FBXL4: variants seen among roughly 807,000 people sequenced by gnomAD.
The protein encoded by FBXL4 is F-box and leucine rich repeat protein 4, also known as F-box/LRR-repeat protein 4.
A neutral mutation model predicts 58.9 loss-of-function variants in FBXL4; 40 were observed. The observed-to-expected ratio is 0.68, with a 90% CI of 0.53 to 0.88. The LOEUF is 0.88. Among genes scored for constraint, FBXL4 ranks in the 40% least tolerant of loss-of-function variants. The probability of loss-of-function intolerance (pLI) is 0.00; values close to 1 mark genes in which losing one functional copy is unlikely to be tolerated. For synonymous variants in FBXL4, 263 were observed against 265.5 expected (o/e 0.99, Z 0.09); for missense variants, 676 against 734.4 (o/e 0.92, Z 0.92).
rs528310847 is a variant in FBXL4, at chr6:98,889,775, A to T, written c.1318-9151T>A. Among the ~76,000 whole-genome samples the T allele has an allele frequency of 2.6e-5, 4 of 152,204 alleles. No individual in the cohort carries two copies. In the East Asian group the frequency reaches 7.7e-4, roughly 29 times the overall value. The stretch of plus-strand genomic sequence containing the variant: ...ATGTGGAAGTTTGGTGTATGCAGAT[A>T]TGAAGTGCCATTCAGTTATAAAGAA... On this transcript the variant is annotated intron_variant, in intron 7 of 9. Coordinates refer to ENST00000369244, the MANE Select transcript of FBXL4 (RefSeq NM_001278716.2).
chr6:98,917,355 C>G lies in FBXL4; in HGVS notation c.858+19G>C, dbSNP rs1199994761. 1 of 1,539,498 alleles carries G rather than the reference C, an allele frequency of 6.5e-7. No homozygotes were observed. The highest frequency in any genetic ancestry group is 8.8e-7 in the Non-Finnish European group (1 of 1,131,592). On this transcript the variant is annotated intron_variant, in intron 5 of 9. Coordinates refer to ENST00000369244, the MANE Select transcript of FBXL4 (RefSeq NM_001278716.2). ...TATAGTGTTATATCCAATACTGCTG[C>G]TAAATATTTTTGGCTTACCTCATAA...
intron 2 of FBXL4, among the ~76,000 whole-genome samples, chr6:98,932,093 A>T (rs1488911643): frequency 6.6e-6 from 1 of 152,242 alleles, no homozygotes; most frequent in Non-Finnish European, 1.5e-5. Context: ...TGTCCAAAAG[A>T]GTGATTATAA....
At position 98,926,937 on chromosome 6, in the gene FBXL4, A is replaced by G. The variant is rs975059887; in HGVS notation, c.52T>C (p.Cys18Arg). 1 of 1,614,192 alleles carries G rather than the reference A, an allele frequency of 6.2e-7. No homozygotes were observed. Among genetic ancestry groups the G allele is most frequent in the Non-Finnish European group, 8.5e-7 (1 of 1,180,022 alleles). The change falls in exon 4 of 10, where the codon TGC becomes CGC. Residue 18 changes from cysteine to arginine, a missense_variant. Cys to Arg is a radical substitution (Grantham distance 180). Coordinates refer to ENST00000369244, the MANE Select transcript of FBXL4 (RefSeq NM_001278716.2). ...LTVLTMFYYI[C>R]LRRRARTATR... ...GCTGTCCTGGCTCGGCGCCGAAGGC[A>G]TATATAATAAAACATGGTCAGAACT... is the stretch of plus-strand genomic sequence containing the variant.
rs541354990 is a variant in FBXL4, at chr6:98,905,371, T to A, written c.1103+55A>T. The A allele has an allele frequency of 3.0e-5, 48 of 1,579,978 alleles. No individual in the cohort carries two copies. In the African/African-American group the frequency reaches 5.8e-4, roughly 19 times the overall value. On this transcript the variant is annotated intron_variant, in intron 6 of 9. Coordinates refer to ENST00000369244, the MANE Select transcript of FBXL4 (RefSeq NM_001278716.2). ...TTTTATTATGAAAACCACTACATAA[T>A]AAGTATAACCTGCTGCTGGGGGGGA...
chr6:98,890,212 T>A (rs935572822), intron 7 of FBXL4, among the ~76,000 whole-genome samples: 1 of 152,192 alleles, frequency 6.6e-6, no homozygotes, highest in Admixed American at 6.5e-5. Flanking sequence ...ATTATAACAC[T>A]CAATATAGGA....
At chr6:98,907,602 T>C (rs1025923158) in intron 5 of FBXL4, among the ~76,000 whole-genome samples, 3 of 152,192 alleles carry the variant, frequency 2.0e-5, no homozygotes, top group Non-Finnish European at 4.4e-5. Context: ...AAATAGCCTA[T>C]TCTGAACTAA....
rs931804047 is a variant in FBXL4, at chr6:98,899,140, A to C, written c.1317+128T>G. The C allele has an allele frequency of 2.1e-6, 3 of 1,449,968 alleles. No individual in the cohort carries two copies. The African/African-American group carries it at 4.3e-5, about 21-fold the overall frequency. 89.8% of individuals were successfully genotyped at this position (1,449,968 alleles called of 1,614,324 possible). On this transcript the variant is annotated intron_variant, in intron 7 of 9. Coordinates refer to ENST00000369244, the MANE Select transcript of FBXL4 (RefSeq NM_001278716.2). ...TGACTGAATCAGCTCTATTGATTTC[A>C]GAGTAGTCAGAAGGCATCATAAACT...
In FBXL4 at chr6:98,874,151, AT is replaced by A. The variant is rs1284061782; in HGVS notation, c.*126del. Reference sequence around the variant, plus strand: ...TACTTGATTTAATGGACAATTTCATATTTTTCTTTAAAATCTACAAATGTCT... The same window carrying A: ...TACTTGATTTAATGGACAATTTCATATTTTCTTTAAAATCTACAAATGTCT... On this transcript the variant is annotated 3_prime_UTR_variant, in exon 10 of 10. Coordinates refer to ENST00000369244, the MANE Select transcript of FBXL4 (RefSeq NM_001278716.2). 6 of 670,348 alleles carry A rather than the reference AT, an allele frequency of 9.0e-6. No individual in the cohort carries two copies. The African/African-American group carries it at 1.1e-4, about 13-fold the overall frequency. 41.5% of individuals were successfully genotyped at this position (670,348 alleles called of 1,614,324 possible).
intron 5 of FBXL4, among the ~76,000 whole-genome samples, chr6:98,909,108 T>TA (rs1771931547): frequency 6.6e-6 from 1 of 152,244 alleles, no homozygotes; most frequent in South Asian, 2.1e-4. Context: ...TTTCCTACTC[T>TA]AGGGCATGTT....
chr6:98,919,229 C>T (rs1355741629), intron 4 of FBXL4, among the ~76,000 whole-genome samples: 1 of 152,138 alleles, frequency 6.6e-6, no homozygotes, highest in Non-Finnish European at 1.5e-5. Flanking sequence ...TAAAAGCAAA[C>T]TCCAAAGGAA....
At chr6:98,910,858 G>C (rs1772022818) in intron 5 of FBXL4, among the ~76,000 whole-genome samples, 1 of 152,192 alleles carries the variant, frequency 6.6e-6, no homozygotes, top group African/African-American at 2.4e-5. Flanking sequence ...CCGTGCGCCA[G>C]CCGAAGCAGG....
At chr6:98,909,490 C>T (rs995219931) in intron 5 of FBXL4, among the ~76,000 whole-genome samples, 1 of 152,202 alleles carries the variant, frequency 6.6e-6, no homozygotes. Context: ...CTTCCCTTTG[C>T]CTCAAGTGTC....
At chr6:98,912,169 GA>G (rs1264124089) in intron 5 of FBXL4, among the ~76,000 whole-genome samples, 1 of 152,184 alleles carries the variant, frequency 6.6e-6, no homozygotes, top group East Asian at 1.9e-4. Context: ...AGAAATATGG[GA>G]CTATGTGAAA....
intron 2 of FBXL4, among the ~76,000 whole-genome samples, chr6:98,934,006 A>G (rs1773108256): frequency 6.6e-6 from 1 of 152,222 alleles, no homozygotes. Flanking sequence ...TAGTACATAT[A>G]TTGAAATTTT....
intron 7 of FBXL4, among the ~76,000 whole-genome samples, chr6:98,894,398 C>T (rs1771340691): frequency 6.6e-6 from 1 of 152,068 alleles, no homozygotes; most frequent in Non-Finnish European, 1.5e-5. Flanking sequence ...TCTAAATCCC[C>T]ATCTGTTGCA....
intron 2 of FBXL4, among the ~76,000 whole-genome samples, chr6:98,933,430 C>T (rs1157499250): frequency 6.6e-6 from 1 of 152,180 alleles, no homozygotes; most frequent in East Asian, 1.9e-4. Context: ...GCTGTAGACC[C>T]ACCAGAACCT....
At chr6:98,929,584 AAAAG>A (rs1554222684) in intron 2 of FBXL4, among the ~76,000 whole-genome samples, 34 of 151,684 alleles carry the variant, frequency 2.2e-4, no homozygotes, top group Admixed American at 9.2e-4. Flanking sequence ...AAAAAAAAAA[AAAAG>A]AAAGAAAGAA....
intron 3 of FBXL4, 35 bp from the exon 4 acceptor site, chr6:98,927,095 T>C: frequency 9.0e-7 from 1 of 1,115,936 alleles, no homozygotes; most frequent in Admixed American, 2.3e-5. Flanking sequence ...AGTAAAATAA[T>C]TTAAATAAGC....
chr6:98,909,675 C>G (rs1057075494), intron 5 of FBXL4, among the ~76,000 whole-genome samples: 2 of 152,176 alleles, frequency 1.3e-5, no homozygotes, highest in African/African-American at 2.4e-5. Context: ...CCCACTGCTG[C>G]AACAACAGAC....
Sources: gnomAD v4.1 joint callset for allele counts (sites outside exome capture counted in the v4.1 genomes callset) on GRCh38, gnomAD v4.1.1 for gene constraint, MANE v1.5 for transcripts, NCBI Gene and HGNC (gene_info 2026-07-23, HGNC 2026-07-21) for gene names.